The following COL23A1 variants were observed in gnomAD, a reference collection of about 807,000 sequenced individuals.
COL23A1 encodes collagen alpha-1(XXIII) chain.
In COL23A1, 97 loss-of-function variants were observed where a neutral mutation model predicts 99.3. That is an observed-to-expected ratio of 0.98 (90% CI 0.83 to 1.16). COL23A1 has a LOEUF of 1.16. Among genes scored for constraint, COL23A1 ranks in the 50% most tolerant of loss-of-function variants. The pLI is 0.00. For synonymous variants in COL23A1, 320 were observed against 308.2 expected (o/e 1.04, Z -0.40); for missense variants, 762 against 757.4 (o/e 1.01, Z -0.07).
chr5:178,358,356 ATGTGTATGTGTACG>A (rs1199987346), intron 2 of COL23A1, among the ~76,000 whole-genome samples: 1 of 138,766 alleles, frequency 7.2e-6, no homozygotes, highest in African/African-American at 2.7e-5. Context: ...TATTGTGTGT[ATGTGTATGTGTACG>A]TGTGTATGTC....
intron 1 of COL23A1, chr5:178,562,736 T>TGGTGGTG (rs1554197569): frequency 3.7e-5 from 4 of 106,870 alleles, no homozygotes; most frequent in African/African-American, 2.0e-4. Flanking sequence ...TGGCTGGTGG[T>TGGTGGTG]GGGGGGGGTG....
intron 2 of COL23A1, among the ~76,000 whole-genome samples, chr5:178,394,673 G>C (rs1764134144): frequency 6.6e-6 from 1 of 152,218 alleles, no homozygotes; most frequent in South Asian, 2.1e-4. Flanking sequence ...GACACGCAGA[G>C]GGGACTGCTG....
At chr5:178,298,077 A>AAACATGTG in intron 3 of COL23A1, among the ~76,000 whole-genome samples, 1 of 152,264 alleles carries the variant, frequency 6.6e-6, no homozygotes, top group East Asian at 1.9e-4. Context: ...CACGGCCTTC[A>AAACATGTG]AACATGTGTT....
At position 178,242,144 on chromosome 5, in the gene COL23A1, G is replaced by A; in HGVS notation, c.1495-16C>T. 6.5e-7 allele frequency: 1 copy of A among 1,547,498 alleles called. No individual in the cohort carries two copies. The highest frequency in any genetic ancestry group is 2.4e-5 in the East Asian group (1 of 41,100). ...CTCGTTCTCCCTGTGCAGGAGGGGA[G>A]ATGGTGGTATTGGTCATGGCTGCCA... On this transcript the variant is annotated splice_polypyrimidine_tract_variant and intron_variant, in intron 26 of 28. Transcript: ENST00000390654.
intron 2 of COL23A1, chr5:178,344,781 A>G (rs1175668155): frequency 3.7e-6 from 2 of 534,976 alleles, no homozygotes; most frequent in Non-Finnish European, 6.9e-6. Context: ...TTGCCTCCAG[A>G]AAGTTTCCAA....
intron 2 of COL23A1, among the ~76,000 whole-genome samples, chr5:178,491,116 A>G (rs1212804054): frequency 6.6e-6 from 1 of 151,598 alleles, no homozygotes; most frequent in African/African-American, 2.4e-5. Context: ...AAGAGAGAGG[A>G]GACACGGAGG....
At chr5:178,505,723 C>A (rs1431638252) in intron 2 of COL23A1, among the ~76,000 whole-genome samples, 1 of 152,168 alleles carries the variant, frequency 6.6e-6, no homozygotes, top group Non-Finnish European at 1.5e-5. Context: ...CAACCCATAA[C>A]ACGAAGGTAA....
At chr5:178,452,564 G>A (rs914197832) in intron 2 of COL23A1, among the ~76,000 whole-genome samples, 1 of 152,138 alleles carries the variant, frequency 6.6e-6, no homozygotes, top group Non-Finnish European at 1.5e-5. Context: ...TGACACACTG[G>A]GAAGAAATAC....
chr5:178,380,795 C>T (rs1030521240), intron 2 of COL23A1, among the ~76,000 whole-genome samples: 1 of 152,116 alleles, frequency 6.6e-6, no homozygotes, highest in African/African-American at 2.4e-5. Context: ...TTCACCTGTC[C>T]CCAGCGTCCT....
intron 2 of COL23A1, among the ~76,000 whole-genome samples, chr5:178,385,424 GT>G (rs1428470606): frequency 6.6e-6 from 1 of 152,226 alleles, no homozygotes; most frequent in African/African-American, 2.4e-5. Flanking sequence ...GGAAATGTTT[GT>G]GCTGGTGCCT....
At chr5:178,488,149 A>C (rs1196757450) in intron 2 of COL23A1, among the ~76,000 whole-genome samples, 1 of 152,232 alleles carries the variant, frequency 6.6e-6, no homozygotes, top group Non-Finnish European at 1.5e-5. Flanking sequence ...ATTAGAAGGG[A>C]CAAACCTGAG....
rs2127812228 is a variant in COL23A1, at chr5:178,428,461, CCTT to C, written c.362-121545_362-121543del. On this transcript the variant is annotated intron_variant, in intron 2 of 28. Coordinates refer to ENST00000390654, the MANE Select transcript of COL23A1 (RefSeq NM_173465.4). This position sits in a 1 kb window ranked among gnomAD's most constrained non-coding sequence, Gnocchi z 5.0. ...CTTCCTCATTCTGCTGCTCGGAACT[CCTT>C]GTGACAAGGACTGAGTGAGTGTCCG... Among the ~76,000 whole-genome samples, 1 of 152,362 alleles carries C rather than the reference CCTT, an allele frequency of 6.6e-6. No individual in the cohort carries two copies. The highest frequency in any genetic ancestry group is 2.4e-5 in the African/African-American group (1 of 41,588).
intron 1 of COL23A1, among the ~76,000 whole-genome samples, chr5:178,580,423 T>C (rs1373272318): frequency 6.7e-6 from 1 of 148,612 alleles, no homozygotes; most frequent in East Asian, 1.9e-4. Flanking sequence ...CTATAGCCTC[T>C]AGAAGTACGC....
intron 4 of COL23A1, among the ~76,000 whole-genome samples, chr5:178,289,666 A>G (rs1037705707): frequency 6.6e-6 from 1 of 152,184 alleles, no homozygotes; most frequent in Non-Finnish European, 1.5e-5. Flanking sequence ...AAAGCACGGG[A>G]CACTGAAGCA....
intron 2 of COL23A1, among the ~76,000 whole-genome samples, chr5:178,498,253 T>TATAA (rs1758331914): frequency 1.7e-5 from 1 of 59,254 alleles, no homozygotes; most frequent in Non-Finnish European, 2.7e-5. Flanking sequence ...TATATATATA[T>TATAA]ATATAAAAGA....
In COL23A1 at chr5:178,333,617, G is replaced by A. The variant is rs146383291; in HGVS notation, c.362-26698C>T. Among the ~76,000 whole-genome samples, 643 of 152,140 alleles carry A rather than the reference G, an allele frequency of 4.2e-3. 2 individuals carry two copies. The highest frequency in any genetic ancestry group is 0.014 in the Middle Eastern group (4 of 294). ...GGACCCGAGGCTTCAGTCTTGAGGC[G>A]CCCACAGTCCCCTGCACACCCTTCC... On this transcript the variant is annotated intron_variant, in intron 2 of 28. Coordinates refer to ENST00000390654, the MANE Select transcript of COL23A1 (RefSeq NM_173465.4).
intron 2 of COL23A1, among the ~76,000 whole-genome samples, chr5:178,430,933 A>G (rs1441545439): frequency 2.0e-5 from 3 of 152,110 alleles, no homozygotes; most frequent in Non-Finnish European, 2.9e-5. Context: ...GAGTTCATAC[A>G]GACGTAAAGA....
At chr5:178,249,342 TGG>T (rs1764888368) in intron 18 of COL23A1, 136 bp from the exon 19 acceptor site, 1 of 833,552 alleles carries the variant, frequency 1.2e-6, no homozygotes, top group Non-Finnish European at 2.0e-6. Context: ...CCACAGTGGC[TGG>T]GAGCCTCACC....
At chr5:178,258,278 T>A (rs1202210132) in intron 12 of COL23A1, among the ~76,000 whole-genome samples, 1 of 141,606 alleles carries the variant, frequency 7.1e-6, no homozygotes, top group Non-Finnish European at 1.6e-5. Flanking sequence ...TGCAAATCAA[T>A]TCTAGGCACC....
Sources: allele counts gnomAD v4.1 joint callset (sites outside exome capture counted in the v4.1 genomes callset), GRCh38; gene constraint gnomAD v4.1.1; non-coding constraint Gnocchi (gnomAD v3.1); transcripts MANE v1.5; gene names NCBI Gene and HGNC (gene_info 2026-07-23, HGNC 2026-07-21).